Variants in WDR64 observed in about 807,000 individuals in gnomAD.
WDR64 encodes the protein WD repeat-containing protein 64.
A neutral mutation model predicts 139.3 loss-of-function variants in WDR64; 112 were observed. The ratio of observed to expected loss-of-function variants is 0.80; its 90% CI spans 0.69 to 0.94. The LOEUF is 0.94. Ranked by LOEUF, WDR64 falls within the 40% of genes least tolerant of loss-of-function variation. The probability of loss-of-function intolerance (pLI) is 0.00; values close to 1 mark genes in which losing one functional copy is unlikely to be tolerated. For missense variants in WDR64, 1,206 were observed against 1,293.1 expected (o/e 0.93, Z 1.03); for synonymous variants, 444 against 437.7 (o/e 1.01, Z -0.18).
At chr1:241,731,209 C>T (rs185566115) in intron 10 of WDR64, among the ~76,000 whole-genome samples, 1 of 152,044 alleles carries the variant, frequency 6.6e-6, no homozygotes, top group Admixed American at 6.5e-5. Context: ...ACTATTCAGC[C>T]ATTAAAAAAT....
intron 10 of WDR64, among the ~76,000 whole-genome samples, chr1:241,727,592 G>T (rs1002007853): frequency 1.3e-5 from 2 of 152,170 alleles, no homozygotes; most frequent in African/African-American, 4.8e-5. Flanking sequence ...TATTGTGTTA[G>T]ATACTGTTCT....
At position 241,784,976 on chromosome 1, in the gene WDR64, A is replaced by AAAAAAAAAAAAAAAAAAAAAAAAAAG. The variant is rs138513526; in HGVS notation, c.2705+1595_2705+1596insAAAAAAAAAAAAAAAAAAAAAAAAAG. Among the ~76,000 whole-genome samples the AAAAAAAAAAAAAAAAAAAAAAAAAAG allele has an allele frequency of 2.1e-4, 21 of 98,462 alleles. 1 individual carries two copies. The highest frequency in any genetic ancestry group is 2.9e-4 in the Non-Finnish European group (14 of 47,574). 64.6% of individuals were successfully genotyped at this position (98,462 alleles called of 152,430 possible). Reference sequence around the variant, plus strand: ...CTGAAAAAAAAAAAAAAAAAAAAAAAGAAAGGACATCTGCTGTTTTATTTG... The same window carrying AAAAAAAAAAAAAAAAAAAAAAAAAAG: ...CTGAAAAAAAAAAAAAAAAAAAAAAAAAAAAAAAAAAAAAAAAAAAAAAAAGGAAAGGACATCTGCTGTTTTATTTG... On this transcript the variant is annotated intron_variant, in intron 23 of 27. Coordinates refer to ENST00000437684, the MANE Select transcript of WDR64 (RefSeq NM_001367482.1).
At chr1:241,655,317 A>C (rs1665542017) in intron 1 of WDR64, among the ~76,000 whole-genome samples, 1 of 152,108 alleles carries the variant, frequency 6.6e-6, no homozygotes, top group Non-Finnish European at 1.5e-5. Flanking sequence ...AGGACCCGGG[A>C]GGCAGAGGTT....
chr1:241,735,795 A>C (rs1268961003), intron 10 of WDR64, among the ~76,000 whole-genome samples: 1 of 142,342 alleles, frequency 7.0e-6, no homozygotes, highest in Non-Finnish European at 1.5e-5. Flanking sequence ...TCGGTGAGCC[A>C]CTGCTCCCAG....
chr1:241,674,965 T>TC (rs1666428751), intron 4 of WDR64, among the ~76,000 whole-genome samples: 1 of 22,568 alleles, frequency 4.4e-5, no homozygotes, highest in Non-Finnish European at 1.3e-4. Flanking sequence ...TCTCCTCCCT[T>TC]CTTTTTCTTT....
At chr1:241,679,638 T>C in intron 6 of WDR64, 43 bp downstream of exon 6, 2 of 1,499,958 alleles carry the variant, frequency 1.3e-6, no homozygotes, top group Non-Finnish European at 1.8e-6. Flanking sequence ...AGATTGTCTT[T>C]TCAGTAGTGG....
chr1:241,703,065 C>T lies in WDR64; in HGVS notation c.975-8737C>T, dbSNP rs1021306332. ...AGGGCCACTTTTTAAAAATGCCTTA[C>T]CTGAGGCATTCTGAAATTTCTTTCC... On this transcript the variant is annotated intron_variant, in intron 8 of 27. Coordinates refer to ENST00000437684, the MANE Select transcript of WDR64 (RefSeq NM_001367482.1). The surrounding 1 kb of genome is among the most constrained non-coding windows in gnomAD (Gnocchi z 5.9). Among the ~76,000 whole-genome samples, 2 of 152,082 alleles carry T rather than the reference C, an allele frequency of 1.3e-5. No individual in the cohort carries two copies. Among genetic ancestry groups the T allele is most frequent in the Admixed American group, 1.3e-4 (2 of 15,272 alleles).
At chr1:241,780,175 A>G in intron 22 of WDR64, 113 bp downstream of exon 22, 1 of 886,878 alleles carries the variant, frequency 1.1e-6, no homozygotes, top group South Asian at 1.7e-5. Context: ...TTGTCAAGGC[A>G]CATATACTAT....
chr1:241,735,533 CTTTTTT>C lies in WDR64; in HGVS notation c.1195-2816_1195-2811del, dbSNP rs58339742. Among the ~76,000 whole-genome samples the C allele has an allele frequency of 1.6e-4, 17 of 103,512 alleles. 1 individual carries two copies. The highest frequency in any genetic ancestry group is 1.3e-3 in the Admixed American group (11 of 8,724). The allele number at this position is 103,512 out of a possible 152,430, so 67.9% of individuals were successfully genotyped here. A position where few individuals can be genotyped will look rare whatever the true frequency, so the allele number is the denominator to read the frequency against. On this transcript the variant is annotated intron_variant, in intron 10 of 27. Transcript: ENST00000437684. Reference sequence around the variant, plus strand: ...GTTCTCTGTCTCTCTCTCTCTCTCTCTTTTTTTTTTTTTTTTTTTGATACGGAATCT... The same window carrying C: ...GTTCTCTGTCTCTCTCTCTCTCTCTCTTTTTTTTTTTTTGATACGGAATCT...
At chr1:241,721,955 A>G (rs1024407150) in intron 9 of WDR64, among the ~76,000 whole-genome samples, 2 of 152,124 alleles carry the variant, frequency 1.3e-5, no homozygotes, top group Non-Finnish European at 2.9e-5. Flanking sequence ...ACTGCAAAGG[A>G]GCCTGGAAAT....
At chr1:241,799,312 C>T (rs967953855) in intron 27 of WDR64, among the ~76,000 whole-genome samples, 8 of 147,148 alleles carry the variant, frequency 5.4e-5, no homozygotes, top group African/African-American at 1.5e-4. Context: ...GGAAAGTGGA[C>T]GTTGCAGTGA....
intron 10 of WDR64, among the ~76,000 whole-genome samples, chr1:241,731,735 T>A (rs1348569393): frequency 6.6e-6 from 1 of 152,228 alleles, no homozygotes; most frequent in Admixed American, 6.5e-5. Context: ...TTTAAAGACA[T>A]GCTGGATGTC....
chr1:241,711,432 G>T (rs1668163829), intron 8 of WDR64, among the ~76,000 whole-genome samples: 1 of 152,032 alleles, frequency 6.6e-6, no homozygotes, highest in Non-Finnish European at 1.5e-5. Context: ...AAGGAGAAGT[G>T]TCCAAAAGGG....
intron 8 of WDR64, among the ~76,000 whole-genome samples, chr1:241,710,789 G>A (rs940201357): frequency 1.3e-5 from 2 of 152,332 alleles, no homozygotes; most frequent in Non-Finnish European, 2.9e-5. Context: ...ATCACTCAGG[G>A]CCAGGCCAGC....
intron 2 of WDR64, among the ~76,000 whole-genome samples, chr1:241,667,913 T>C (rs2148067470): frequency 6.6e-6 from 1 of 152,288 alleles, no homozygotes; most frequent in Middle Eastern, 3.4e-3. Context: ...AACTAATTCA[T>C]AGAGGAAAAG....
intron 8 of WDR64, among the ~76,000 whole-genome samples, chr1:241,699,818 G>A (rs1364237511): frequency 6.6e-6 from 1 of 152,138 alleles, no homozygotes; most frequent in African/African-American, 2.4e-5. Flanking sequence ...TGGGAAAGAT[G>A]AGGCTAGACA....
Position 241,675,016 on chromosome 1 carries a change from T to C in WDR64, c.483+269T>C, listed in dbSNP as rs1228651534. On this transcript the variant is annotated intron_variant, in intron 4 of 27. Transcript: ENST00000437684. ...TTCTCCCTCCCTCTCTTCCTTCCTT[T>C]CTTCTTCCTTCCCTCCCTCCTTCTT... is the stretch of plus-strand genomic sequence containing the variant. Among the ~76,000 whole-genome samples the C allele has an allele frequency of 4.0e-4, 14 of 34,982 alleles. 1 individual carries two copies. The highest frequency in any genetic ancestry group is 6.6e-4 in the Non-Finnish European group (9 of 13,728). 22.9% of individuals were successfully genotyped at this position (34,982 alleles called of 152,430 possible). A position where few individuals can be genotyped will look rare whatever the true frequency, so the allele number is the denominator to read the frequency against.
At chr1:241,704,450 C>T (rs951580368) in intron 8 of WDR64, among the ~76,000 whole-genome samples, 7 of 152,128 alleles carry the variant, frequency 4.6e-5, no homozygotes, top group African/African-American at 1.4e-4. Flanking sequence ...AGCAATTTTT[C>T]AAAGGATATG....
At chr1:241,768,382 G>C (rs1264570367) in intron 16 of WDR64, among the ~76,000 whole-genome samples, 13 of 152,200 alleles carry the variant, frequency 8.5e-5, no homozygotes. Flanking sequence ...CATATTTGCA[G>C]TAGAGTCCAT....
Sources: gnomAD v4.1 joint callset for allele counts (sites outside exome capture counted in the v4.1 genomes callset) on GRCh38, gnomAD v4.1.1 for gene constraint, Gnocchi (gnomAD v3.1) non-coding constraint, MANE v1.5 for transcripts, NCBI Gene and HGNC (gene_info 2026-07-23, HGNC 2026-07-21) for gene names.